Variants in TENM3 observed in about 807,000 individuals in gnomAD.
TENM3 encodes the protein teneurin transmembrane protein 3, also known as teneurin-3.
A neutral mutation model predicts 255.1 loss-of-function variants in TENM3; 63 were observed. The ratio of observed to expected loss-of-function variants is 0.25; its 90% CI spans 0.20 to 0.30. The LOEUF is 0.30. Ranked by LOEUF, TENM3 falls within the 10% of genes least tolerant of loss-of-function variation. The pLI is 1.00. For synonymous variants in TENM3, 1,306 were observed against 1,322.3 expected (o/e 0.99, Z 0.27); for missense variants, 2,929 against 3,461.1 (o/e 0.85, Z 3.86).
intron 24 of TENM3, among the ~76,000 whole-genome samples, 199 bp downstream of exon 24, chr4:182,775,352 G>T (rs950044187): frequency 1.3e-5 from 2 of 152,170 alleles, no homozygotes; most frequent in African/African-American, 4.8e-5. Flanking sequence ...GGTCGTGAGA[G>T]GGCTGAGAAG....
chr4:181,991,069 A>G, the TENM3 span, among the ~76,000 whole-genome samples: 362 of 152,284 alleles, frequency 2.4e-3, 1 homozygote, highest in African/African-American at 8.3e-3. Context: ...AGCCTTTCCT[A>G]TATCTTCTGA....
chr4:181,763,632 C>T, the TENM3 span, among the ~76,000 whole-genome samples: 780 of 152,290 alleles, frequency 5.1e-3, 5 homozygotes, highest in African/African-American at 0.018. Flanking sequence ...TTTACTGCTA[C>T]GTCTTCAGAG....
intron 13 of TENM3, among the ~76,000 whole-genome samples, chr4:182,728,754 CTT>C (rs1760432354): frequency 6.6e-6 from 1 of 151,868 alleles, no homozygotes; most frequent in South Asian, 2.1e-4. Flanking sequence ...TGGGACCACT[CTT>C]TTATATATGG....
chr4:182,555,258 C>A (rs73006906), intron 3 of TENM3, among the ~76,000 whole-genome samples: 5,059 of 151,852 alleles, frequency 0.033, 174 homozygotes, highest in African/African-American at 0.09. Flanking sequence ...TGTGTGTTGC[C>A]ACCAGTGACA....
chr4:181,474,925 C>T, the TENM3 span, among the ~76,000 whole-genome samples: 1 of 152,104 alleles, frequency 6.6e-6, no homozygotes, highest in Non-Finnish European at 1.5e-5. Flanking sequence ...GCCTTGGCCA[C>T]TGAAGAGACT....
intron 3 of TENM3, among the ~76,000 whole-genome samples, chr4:182,593,371 A>G (rs887683638): frequency 5.3e-5 from 8 of 151,504 alleles, no homozygotes; most frequent in Admixed American, 2.6e-4. Flanking sequence ...GTCTCCCTCC[A>G]CCTCCACCCA....
chr4:182,673,859 A>G (rs1755432041), intron 7 of TENM3, among the ~76,000 whole-genome samples: 1 of 152,234 alleles, frequency 6.6e-6, no homozygotes, highest in South Asian at 2.1e-4. Context: ...TTGCATAAAA[A>G]TCCCCTCACA....
chr4:182,719,454 G>T (rs757149473), intron 13 of TENM3, among the ~76,000 whole-genome samples: 79 of 151,518 alleles, frequency 5.2e-4, no homozygotes, highest in Non-Finnish European at 1.0e-3. Context: ...TAGAGACGGG[G>T]TTCACCATGT....
the TENM3 span, among the ~76,000 whole-genome samples, chr4:181,466,054 A>T: frequency 6.6e-6 from 1 of 152,008 alleles, no homozygotes; most frequent in African/African-American, 2.4e-5. Context: ...AATTCTTGAC[A>T]TCCACCTAAA....
the TENM3 span, among the ~76,000 whole-genome samples, chr4:181,511,469 A>G: frequency 1.3e-5 from 2 of 152,082 alleles, no homozygotes; most frequent in African/African-American, 4.8e-5. Flanking sequence ...TACAGCAAGA[A>G]GGTGTTCTCA....
chr4:181,568,549 G>A, the TENM3 span, among the ~76,000 whole-genome samples: 1 of 151,964 alleles, frequency 6.6e-6, no homozygotes, highest in Non-Finnish European at 1.5e-5. Context: ...GCTTCCTCTT[G>A]CCATTGCAGA....
At chr4:181,794,187 A>T in the TENM3 span, among the ~76,000 whole-genome samples, 10 of 151,422 alleles carry the variant, frequency 6.6e-5, no homozygotes, top group South Asian at 1.7e-3. Flanking sequence ...TATGGTGTAC[A>T]ATATATATAT....
the TENM3 span, among the ~76,000 whole-genome samples, chr4:181,476,477 G>A: frequency 3.0e-4 from 45 of 152,126 alleles, no homozygotes; most frequent in Middle Eastern, 3.4e-3. Context: ...TTCAATGAGC[G>A]GCTTTGACCC....
the TENM3 span, among the ~76,000 whole-genome samples, chr4:181,830,658 A>G: frequency 5.3e-5 from 8 of 152,108 alleles, no homozygotes; most frequent in African/African-American, 1.9e-4. Context: ...GAGTAAAGAG[A>G]CAAAGATTGG....
At chr4:182,585,696 T>C (rs1745950094) in intron 3 of TENM3, among the ~76,000 whole-genome samples, 1 of 152,214 alleles carries the variant, frequency 6.6e-6, no homozygotes, top group African/African-American at 2.4e-5. Context: ...TTACGGAAGC[T>C]TGAGCAGACC....
the TENM3 span, among the ~76,000 whole-genome samples, chr4:181,659,230 T>C: frequency 6.6e-6 from 1 of 152,198 alleles, no homozygotes; most frequent in African/African-American, 2.4e-5. Flanking sequence ...CTCCCCATGA[T>C]TTTTTGTTGC....
the TENM3 span, among the ~76,000 whole-genome samples, chr4:181,855,777 GAAGA>G: frequency 1.3e-5 from 2 of 151,668 alleles, no homozygotes; most frequent in Non-Finnish European, 2.9e-5. Context: ...CAAGTGCTAT[GAAGA>G]AAGAAAGAAA....
intron 4 of TENM3, among the ~76,000 whole-genome samples, chr4:182,625,054 G>A (rs1750689504): frequency 6.6e-6 from 1 of 152,170 alleles, no homozygotes; most frequent in Non-Finnish European, 1.5e-5. Flanking sequence ...GCATTATGGT[G>A]AAAATTGTAA....
At chr4:181,700,109 G>A in the TENM3 span, among the ~76,000 whole-genome samples, 60 of 152,218 alleles carry the variant, frequency 3.9e-4, no homozygotes, top group African/African-American at 1.1e-3. Flanking sequence ...GACACTGACC[G>A]CGTGAAACAG....
Sources: allele counts gnomAD v4.1 joint callset (sites outside exome capture counted in the v4.1 genomes callset), GRCh38; gene constraint gnomAD v4.1.1; transcripts MANE v1.5; gene names NCBI Gene and HGNC (gene_info 2026-07-23, HGNC 2026-07-21).